NGEF: variants seen among roughly 807,000 people sequenced by gnomAD.
NGEF encodes the protein ephexin-1.
In NGEF, 31 loss-of-function variants were observed where a neutral mutation model predicts 80.9. The ratio of observed to expected loss-of-function variants is 0.38; its 90% CI spans 0.29 to 0.52. The LOEUF (loss-of-function observed/expected upper bound fraction) is 0.52, where lower values mean the gene tolerates loss of function less well. NGEF is among the 20% of genes least tolerant of loss of function. The pLI, the probability that NGEF is intolerant of heterozygous loss-of-function variation, is 0.84. For missense variants in NGEF, 709 were observed against 926.2 expected (o/e 0.77, Z 3.04); for synonymous variants, 371 against 370.2 (o/e 1.00, Z -0.03).
intron 3 of NGEF, among the ~76,000 whole-genome samples, chr2:232,964,749 C>A (rs1181105004): frequency 1.3e-5 from 2 of 152,116 alleles, no homozygotes; most frequent in Non-Finnish European, 2.9e-5. Flanking sequence ...TGATGAATTT[C>A]AAAAATATTA....
At chr2:233,007,259 T>A (rs192311003) in intron 1 of NGEF, among the ~76,000 whole-genome samples, 47 of 152,168 alleles carry the variant, frequency 3.1e-4, no homozygotes, top group Non-Finnish European at 4.1e-4. Flanking sequence ...AATAAATAAA[T>A]AAATACAATT....
At chr2:232,967,480 A>G (rs1004368445) in intron 3 of NGEF, among the ~76,000 whole-genome samples, 3 of 148,828 alleles carry the variant, frequency 2.0e-5, no homozygotes, top group African/African-American at 7.4e-5. Flanking sequence ...GATTACAGGC[A>G]TGTACTACCA....
chr2:232,974,527 G>A, intron 2 of NGEF, 96 bp downstream of exon 2: 1 of 1,398,038 alleles, frequency 7.2e-7, no homozygotes, highest in Non-Finnish European at 9.8e-7. Context: ...ACTTTTCAAT[G>A]CCACTTATCC....
intron 5 of NGEF, among the ~76,000 whole-genome samples, chr2:232,895,673 G>A (rs899153197): frequency 1.3e-5 from 2 of 152,168 alleles, no homozygotes; most frequent in African/African-American, 4.8e-5. Flanking sequence ...AAAGCGTCAG[G>A]GGAAACCGGC....
intron 8 of NGEF, among the ~76,000 whole-genome samples, chr2:232,888,495 G>A (rs374629320): frequency 7.9e-5 from 12 of 150,990 alleles, no homozygotes; most frequent in African/African-American, 2.4e-4. Context: ...ATGTACACAC[G>A]TGTACAAACA....
chr2:232,988,424 G>A (rs186992731), intron 1 of NGEF, among the ~76,000 whole-genome samples: 7 of 152,308 alleles, frequency 4.6e-5, no homozygotes, highest in African/African-American at 1.7e-4. Flanking sequence ...AAACCACACT[G>A]AGATGTCTTT....
chr2:232,986,310 C>T (rs1473976566), intron 1 of NGEF, among the ~76,000 whole-genome samples: 1 of 152,164 alleles, frequency 6.6e-6, no homozygotes, highest in African/African-American at 2.4e-5. Context: ...GGAGGTTCCT[C>T]AAGAGGTTAA....
intron 3 of NGEF, among the ~76,000 whole-genome samples, chr2:232,944,847 G>A (rs188384450): frequency 1.3e-3 from 197 of 150,264 alleles, no homozygotes; most frequent in African/African-American, 4.6e-3. Flanking sequence ...CACCTCTCCG[G>A]TTCAAGTGAT....
chr2:232,982,392 G>T (rs970967368), intron 1 of NGEF, among the ~76,000 whole-genome samples: 1 of 152,146 alleles, frequency 6.6e-6, no homozygotes, highest in Non-Finnish European at 1.5e-5. Context: ...GAGGCAAAAG[G>T]TGCCCCCAGC....
chr2:232,991,094 T>G (rs748098067), intron 1 of NGEF, among the ~76,000 whole-genome samples: 8 of 152,084 alleles, frequency 5.3e-5, no homozygotes, highest in Non-Finnish European at 8.8e-5. Flanking sequence ...TCAAACCTGA[T>G]GAAGGGCATC....
intron 3 of NGEF, among the ~76,000 whole-genome samples, chr2:232,937,786 C>T (rs1693357363): frequency 6.6e-6 from 1 of 152,120 alleles, no homozygotes; most frequent in Admixed American, 6.6e-5. Context: ...TCTTGTGTGT[C>T]TTGGGTCAAT....
At chr2:232,926,933 A>G in intron 4 of NGEF, 111 bp downstream of exon 4, 1 of 1,383,908 alleles carries the variant, frequency 7.2e-7, no homozygotes, top group Middle Eastern at 1.8e-4. Context: ...CCCATGTCAG[A>G]CGCAGTCCTT....
At chr2:232,949,318 G>T (rs925815022) in intron 3 of NGEF, among the ~76,000 whole-genome samples, 1 of 152,166 alleles carries the variant, frequency 6.6e-6, no homozygotes, top group African/African-American at 2.4e-5. Context: ...ACTGCAAATA[G>T]CTCAGTGATA....
intron 3 of NGEF, among the ~76,000 whole-genome samples, chr2:232,958,566 A>G (rs1693881260): frequency 6.6e-6 from 1 of 152,080 alleles, no homozygotes; most frequent in Non-Finnish European, 1.5e-5. Flanking sequence ...GCATGGTCCT[A>G]TGTTTGAGGA....
intron 4 of NGEF, among the ~76,000 whole-genome samples, chr2:232,922,927 G>A (rs12623127): frequency 0.049 from 7,518 of 152,136 alleles, 329 homozygotes; most frequent in East Asian, 0.24. Context: ...AAAATTAGCC[G>A]GGTGTGGTGG....
Position 233,007,181 on chromosome 2 carries a change from G to A in NGEF, c.-75+5887C>T, listed in dbSNP as rs139356230. Among the ~76,000 whole-genome samples the A allele has an allele frequency of 1.8e-3, 278 of 152,222 alleles. 2 individuals are homozygous for A. The East Asian group carries it at 0.02, about 11-fold the overall frequency. ...ATCGCTTGAGCCTGAGAGGTCAAGG[G>A]TGCAATGAGCCATGATCCCACCACT... On this transcript the variant is annotated intron_variant, in intron 1 of 14. Transcript: ENST00000264051.
intron 1 of NGEF, among the ~76,000 whole-genome samples, chr2:232,994,748 G>A (rs1694742889): frequency 6.6e-6 from 1 of 151,982 alleles, no homozygotes; most frequent in Non-Finnish European, 1.5e-5. Context: ...CCAACTCCTG[G>A]GACTGATGTG....
intron 3 of NGEF, among the ~76,000 whole-genome samples, chr2:232,949,937 G>A (rs1345532473): frequency 6.7e-6 from 1 of 149,910 alleles, no homozygotes; most frequent in Non-Finnish European, 1.5e-5. Context: ...TCTGCCTCCC[G>A]AGTAGCTGGG....
chr2:232,974,711 C>G lies in NGEF; in HGVS notation c.180G>C (p.Lys60Asn), dbSNP rs779259452. 1 of 1,614,108 alleles carries G rather than the reference C, an allele frequency of 6.2e-7. No individual in the cohort carries two copies. Among genetic ancestry groups the G allele is most frequent in the African/African-American group, 1.3e-5 (1 of 74,938 alleles). Reference sequence around the variant, plus strand: ...TGGAGCGATTGAAGATGGAATTTCTCTTAATTGGGATGTGGCAATGAGGCT... The same window carrying G: ...TGGAGCGATTGAAGATGGAATTTCTGTTAATTGGGATGTGGCAATGAGGCT... ...DKEPHCHIPIKRNSIFNRSIR... is the reference protein window; with the variant it reads ...DKEPHCHIPINRNSIFNRSIR... The change falls in exon 2 of 15, where the codon AAG becomes AAC. Residue 60 changes from lysine to asparagine, a missense_variant. Transcript: ENST00000264051.
Sources: gnomAD v4.1 joint callset for allele counts (sites outside exome capture counted in the v4.1 genomes callset) on GRCh38, gnomAD v4.1.1 for gene constraint, MANE v1.5 for transcripts, NCBI Gene and HGNC (gene_info 2026-07-23, HGNC 2026-07-21) for gene names.